The following CADM1 variants were observed in gnomAD, a reference collection of about 807,000 sequenced individuals.
The protein encoded by CADM1 is TSLC-1.
CADM1 carries 15 observed loss-of-function variants against 53.1 expected under a neutral mutation model. That is an observed-to-expected ratio of 0.28 (90% confidence interval 0.19 to 0.44). CADM1 has a LOEUF of 0.44. CADM1 is among the 20% of genes least tolerant of loss of function. The pLI, the probability that CADM1 is intolerant of heterozygous loss-of-function variation, is 1.00. For synonymous variants in CADM1, 281 were observed against 243.0 expected, an observed-to-expected ratio of 1.16 and a Z score of -1.45; for missense variants, 434 against 611.3, an observed-to-expected ratio of 0.71 and a Z score of 3.06.
At chr11:115,444,788 C>T (rs1948412443) in intron 1 of CADM1, among the ~76,000 whole-genome samples, 1 of 152,176 alleles carries the variant, frequency 6.6e-6, no homozygotes, top group South Asian at 2.1e-4. Flanking sequence ...GCCTCTCTTC[C>T]TCATGTTTAA....
At chr11:115,287,510 A>T (rs1943762993) in intron 1 of CADM1, 1 of 152,274 alleles carries the variant, frequency 6.6e-6, no homozygotes, top group Non-Finnish European at 1.5e-5. Flanking sequence ...CTGCCAGAAG[A>T]AGCGTTCAAA....
At position 115,206,138 on chromosome 11, in the gene CADM1, T is replaced by C. The variant is rs1273716698; in HGVS notation, c.1078+3436A>G. ...GTGTTGAAGATCTTATGGAATTTAT[T>C]GAATACTGTACTGAAAGTGAAAGGC... On this transcript the variant is annotated intron_variant, in intron 8 of 11. Coordinates refer to ENST00000331581, the MANE Select transcript of CADM1 (RefSeq NM_001301043.2). 7.2e-5 allele frequency among the ~76,000 whole-genome samples: 11 copies of C among 152,206 alleles called. No individual in the cohort carries two copies. In the East Asian group the frequency reaches 2.1e-3, roughly 29 times the overall value.
chr11:115,271,309 G>A (rs1458186906), intron 1 of CADM1, among the ~76,000 whole-genome samples: 1 of 152,082 alleles, frequency 6.6e-6, no homozygotes, highest in South Asian at 2.1e-4. Context: ...TTGAGACAGA[G>A]TGTCACTCTG....
intron 9 of CADM1, among the ~76,000 whole-genome samples, chr11:115,196,835 T>C (rs531698358): frequency 6.6e-6 from 1 of 152,280 alleles, no homozygotes; most frequent in African/African-American, 2.4e-5. Context: ...CTAACTACAT[T>C]AAAATAACCC....
chr11:115,207,736 T>G (rs1173389119), intron 8 of CADM1, among the ~76,000 whole-genome samples: 1 of 152,208 alleles, frequency 6.6e-6, no homozygotes, highest in African/African-American at 2.4e-5. Context: ...AACTGGCACC[T>G]TCTAGAATGA....
intron 1 of CADM1, among the ~76,000 whole-genome samples, chr11:115,312,176 G>A (rs1479987598): frequency 6.6e-6 from 1 of 152,120 alleles, no homozygotes; most frequent in Non-Finnish European, 1.5e-5. Flanking sequence ...AGCCGGGAAA[G>A]GTGGCAATTG....
At chr11:115,352,358 AGCAATCCT>A (rs1484383123) in intron 1 of CADM1, among the ~76,000 whole-genome samples, 3 of 152,366 alleles carry the variant, frequency 2.0e-5, no homozygotes, top group Non-Finnish European at 4.4e-5. Flanking sequence ...GCATTTAAGA[AGCAATCCT>A]CACGCACTTG....
intron 1 of CADM1, among the ~76,000 whole-genome samples, chr11:115,249,427 T>G (rs1453016803): frequency 6.6e-6 from 1 of 152,230 alleles, no homozygotes; most frequent in Non-Finnish European, 1.5e-5. Context: ...AACCCTCACT[T>G]CATCCGGTGT....
intron 1 of CADM1, among the ~76,000 whole-genome samples, chr11:115,381,271 G>A (rs1946571621): frequency 1.3e-5 from 2 of 149,768 alleles, no homozygotes; most frequent in Non-Finnish European, 3.0e-5. Flanking sequence ...TGTAGCCTGG[G>A]CAACAGAGTG....
intron 4 of CADM1, among the ~76,000 whole-genome samples, chr11:115,231,094 C>G (rs1216507638): frequency 2.0e-5 from 3 of 152,172 alleles, no homozygotes; most frequent in Non-Finnish European, 2.9e-5. Context: ...TTCTAGTTTA[C>G]AGTTTTAGTT....
chr11:115,500,275 T>C (rs576432310), intron 1 of CADM1, among the ~76,000 whole-genome samples: 1 of 152,260 alleles, frequency 6.6e-6, no homozygotes, highest in South Asian at 2.1e-4. Context: ...AATCCCCACA[T>C]TAAAATGCAC....
chr11:115,229,390 G>A, intron 4 of CADM1, 119 bp from the exon 5 acceptor site: 1 of 914,954 alleles, frequency 1.1e-6, no homozygotes, highest in East Asian at 2.5e-5. Context: ...TATGATGGCA[G>A]TTACTTGGGA....
chr11:115,410,633 G>T (rs144544799), intron 1 of CADM1, among the ~76,000 whole-genome samples: 1 of 152,258 alleles, frequency 6.6e-6, no homozygotes, highest in Non-Finnish European at 1.5e-5. Flanking sequence ...AAGCAGAAAG[G>T]TGCTCTTCGA....
chr11:115,240,446 G>C (rs752780681), intron 1 of CADM1, 26 bp from the exon 2 acceptor site: 1 of 1,612,692 alleles, frequency 6.2e-7, no homozygotes, highest in Admixed American at 1.7e-5. Flanking sequence ...GAAAAGGTCA[G>C]AGGAAAATTT....
At chr11:115,489,770 G>A (rs1949452506) in intron 1 of CADM1, among the ~76,000 whole-genome samples, 2 of 152,168 alleles carry the variant, frequency 1.3e-5, no homozygotes, top group African/African-American at 4.8e-5. Context: ...CAGAAGAAGG[G>A]TTCAAAGAAA....
intron 5 of CADM1, among the ~76,000 whole-genome samples, chr11:115,226,136 A>C (rs1941598009): frequency 6.6e-6 from 1 of 152,180 alleles, no homozygotes; most frequent in African/African-American, 2.4e-5. Flanking sequence ...AGGACATTGA[A>C]AAATATTAGT....
At chr11:115,495,134 C>G (rs1949581576) in intron 1 of CADM1, among the ~76,000 whole-genome samples, 1 of 152,130 alleles carries the variant, frequency 6.6e-6, no homozygotes, top group African/African-American at 2.4e-5. Flanking sequence ...TAATTTAGTA[C>G]TAAATTAACT....
chr11:115,177,354 A>T (rs1342518871), intron 11 of CADM1, among the ~76,000 whole-genome samples: 1 of 152,196 alleles, frequency 6.6e-6, no homozygotes. Flanking sequence ...CTTATCACCA[A>T]ATCCCAACAG....
chr11:115,350,370 G>T (rs746272788), intron 1 of CADM1, among the ~76,000 whole-genome samples: 1 of 152,200 alleles, frequency 6.6e-6, no homozygotes, highest in East Asian at 1.9e-4. Flanking sequence ...TGTGAAAATG[G>T]TTCAGTGGAT....
Sources: gnomAD v4.1 joint callset for allele counts (sites outside exome capture counted in the v4.1 genomes callset) on GRCh38, gnomAD v4.1.1 for gene constraint, MANE v1.5 for transcripts, NCBI Gene and HGNC (gene_info 2026-07-23, HGNC 2026-07-21) for gene names.